DLGAP2: variants seen among roughly 807,000 people sequenced by gnomAD.
The protein encoded by DLGAP2 is disks large-associated protein 2.
DLGAP2 carries 26 observed loss-of-function variants against 100.3 expected under a neutral mutation model. The ratio of observed to expected loss-of-function variants is 0.26; its 90% CI spans 0.19 to 0.36. DLGAP2 has a LOEUF of 0.36. Among genes scored for constraint, DLGAP2 ranks in the 10% least tolerant of loss-of-function variants. The probability of loss-of-function intolerance (pLI) is 1.00; values close to 1 mark genes in which losing one functional copy is unlikely to be tolerated. For synonymous variants in DLGAP2, 886 were observed against 630.1 expected, an observed-to-expected ratio of 1.41 and a Z score of -6.08; for missense variants, 1,858 against 1,453.2, an observed-to-expected ratio of 1.28 and a Z score of -4.53.
At chr8:1,344,686 G>C (rs576081564) in intron 3 of DLGAP2, among the ~76,000 whole-genome samples, 1 of 152,040 alleles carries the variant, frequency 6.6e-6, no homozygotes, top group Non-Finnish European at 1.5e-5. Flanking sequence ...AGTCTCCCGC[G>C]CTCCTCCGTA....
intron 2 of DLGAP2, chr8:927,022 A>C: frequency 1.0e-6 from 1 of 985,306 alleles, no homozygotes; most frequent in Non-Finnish European, 1.2e-6. Context: ...AAAGAGAAAG[A>C]GCTCAGAGCC....
chr8:1,083,430 G>A (rs1050801556), intron 2 of DLGAP2, among the ~76,000 whole-genome samples: 2 of 152,150 alleles, frequency 1.3e-5, no homozygotes, highest in African/African-American at 2.4e-5. Flanking sequence ...GATCTTACGG[G>A]GGGTTTGAAG....
rs1461922195 is a variant in DLGAP2 at position 1,703,692 on chromosome 8, C to T, written c.*2286C>T. The stretch of plus-strand genomic sequence containing the variant: ...TAGAAAAGCAAACTGTTAAAGTAGT[C>T]AATAATTATTTGTCTCAGATCCCAG... On this transcript the variant is annotated 3_prime_UTR_variant, in exon 15 of 15. Coordinates refer to ENST00000637795, the MANE Select transcript of DLGAP2 (RefSeq NM_001346810.2). 4 of 152,290 alleles carry T rather than the reference C, an allele frequency of 2.6e-5. No individual in the cohort carries two copies. In the East Asian group the frequency reaches 7.7e-4, roughly 29 times the overall value. The allele number at this position is 152,290 out of a possible 1,614,324, so 9.4% of individuals were successfully genotyped here. A position where few individuals can be genotyped will look rare whatever the true frequency, so the allele number is the denominator to read the frequency against.
At chr8:1,020,915 A>C (rs1229501941) in intron 2 of DLGAP2, among the ~76,000 whole-genome samples, 1 of 152,134 alleles carries the variant, frequency 6.6e-6, no homozygotes, top group East Asian at 1.9e-4. Context: ...CATTCATACA[A>C]ATGCTCATCT....
At chr8:1,360,228 C>A (rs1021188237) in intron 3 of DLGAP2, among the ~76,000 whole-genome samples, 4 of 124,768 alleles carry the variant, frequency 3.2e-5, no homozygotes, top group Non-Finnish European at 6.6e-5. Flanking sequence ...GGCGGGGCTT[C>A]TCCGGGGCGG....
At chr8:1,359,565 C>T (rs1280271287) in intron 3 of DLGAP2, among the ~76,000 whole-genome samples, 1 of 152,230 alleles carries the variant, frequency 6.6e-6, no homozygotes, top group Non-Finnish European at 1.5e-5. Context: ...GGGCTGAAGC[C>T]CAGGCCGCTC....
At chr8:1,495,507 G>A (rs1799519517) in intron 3 of DLGAP2, among the ~76,000 whole-genome samples, 2 of 152,252 alleles carry the variant, frequency 1.3e-5, no homozygotes, top group African/African-American at 4.8e-5. Context: ...TGAGGGGTCA[G>A]AATGTGGTGG....
intron 4 of DLGAP2, among the ~76,000 whole-genome samples, chr8:1,531,235 C>G (rs905145443): frequency 1.4e-4 from 20 of 140,130 alleles, no homozygotes; most frequent in Non-Finnish European, 2.9e-4. Flanking sequence ...TATTAGAGAG[C>G]GTGTGCGTGT....
At chr8:1,202,046 C>CTG (rs144938634) in intron 2 of DLGAP2, among the ~76,000 whole-genome samples, 26,831 of 127,956 alleles carry the variant, frequency 0.21, 2,466 homozygotes, top group East Asian at 0.26. Context: ...TGTGCAGTAT[C>CTG]TATCTGTGTG....
chr8:1,536,580 G>A (rs555846424), intron 4 of DLGAP2, among the ~76,000 whole-genome samples: 56 of 152,292 alleles, frequency 3.7e-4, no homozygotes, highest in African/African-American at 1.3e-3. Context: ...CTGCGAAAGT[G>A]TAGTATAAAT....
At chr8:982,725 C>G (rs1000776404) in intron 2 of DLGAP2, among the ~76,000 whole-genome samples, 2 of 152,072 alleles carry the variant, frequency 1.3e-5, no homozygotes, top group Non-Finnish European at 2.9e-5. Context: ...CTGACCTAAC[C>G]AATAAGTCTC....
intron 12 of DLGAP2, among the ~76,000 whole-genome samples, chr8:1,684,006 A>C (rs1186238843): frequency 8.4e-6 from 1 of 119,194 alleles, no homozygotes; most frequent in Non-Finnish European, 1.7e-5. Context: ...TTTTAAGACG[A>C]AGTCTCACTC....
intron 3 of DLGAP2, among the ~76,000 whole-genome samples, chr8:1,336,287 A>C (rs925770052): frequency 2.6e-5 from 4 of 152,226 alleles, no homozygotes; most frequent in Admixed American, 6.5e-5. Context: ...CAACTCTGAG[A>C]TCTGAAGCAC....
chr8:771,534 C>G (rs1039733687), intron 1 of DLGAP2, among the ~76,000 whole-genome samples: 6 of 152,184 alleles, frequency 3.9e-5, no homozygotes, highest in Non-Finnish European at 8.8e-5. Flanking sequence ...TGTTTCACAC[C>G]CAAAATTTGT....
In DLGAP2 at chr8:1,039,642, GCGTGGT is replaced by G. The variant is rs1563158864; in HGVS notation, c.73+131678_73+131683del. 5.1e-3 allele frequency among the ~76,000 whole-genome samples: 391 copies of G among 77,152 alleles called. 35 individuals are homozygous for G. The highest frequency in any genetic ancestry group is 7.4e-3 in the Non-Finnish European group (299 of 40,500). 50.6% of individuals were successfully genotyped at this position (77,152 alleles called of 152,430 possible). A position where few individuals can be genotyped will look rare whatever the true frequency, so the allele number is the denominator to read the frequency against. ...TCGGTGTGCGTGGTCAGCTCGGTGT[GCGTGGT>G]CAGCTCGGTGTGGGTGGTCAGCTCG... On this transcript the variant is annotated intron_variant, in intron 2 of 14. Coordinates refer to ENST00000637795, the MANE Select transcript of DLGAP2 (RefSeq NM_001346810.2).
chr8:860,859 C>A (rs1563068028), intron 1 of DLGAP2, among the ~76,000 whole-genome samples: 1 of 152,096 alleles, frequency 6.6e-6, no homozygotes, highest in Non-Finnish European at 1.5e-5. Flanking sequence ...CATACCAAAT[C>A]ATGACGCCTA....
chr8:973,494 G>T (rs567542452), intron 2 of DLGAP2, among the ~76,000 whole-genome samples: 36 of 152,136 alleles, frequency 2.4e-4, no homozygotes, highest in African/African-American at 7.7e-4. Context: ...GGCAGGAGGC[G>T]CACCCCACAT....
chr8:1,356,238 C>A (rs750851840), intron 3 of DLGAP2, among the ~76,000 whole-genome samples: 2 of 152,158 alleles, frequency 1.3e-5, no homozygotes, highest in Non-Finnish European at 2.9e-5. Context: ...ACATGGGACC[C>A]GGGGAGCCAT....
chr8:1,197,247 A>G (rs1369034473), intron 2 of DLGAP2, among the ~76,000 whole-genome samples: 1 of 152,164 alleles, frequency 6.6e-6, no homozygotes, highest in Admixed American at 6.5e-5. Flanking sequence ...ATGCCATCAC[A>G]GACACACCCG....
Sources: gnomAD v4.1 joint callset for allele counts (sites outside exome capture counted in the v4.1 genomes callset) on GRCh38, gnomAD v4.1.1 for gene constraint, MANE v1.5 for transcripts, NCBI Gene and HGNC (gene_info 2026-07-23, HGNC 2026-07-21) for gene names.